Variants in HHAT observed in about 807,000 individuals in gnomAD.
HHAT encodes the protein protein-cysteine N-palmitoyltransferase HHAT.
In HHAT, 47 loss-of-function variants were observed where a neutral mutation model predicts 70.8. The ratio of observed to expected loss-of-function variants is 0.66; its 90% CI spans 0.53 to 0.85. The LOEUF (loss-of-function observed/expected upper bound fraction) is 0.85, where lower values mean the gene tolerates loss of function less well. Among genes scored for constraint, HHAT ranks in the 40% least tolerant of loss-of-function variants. HHAT has a pLI of 0.00. For missense variants in HHAT, 609 were observed against 604.8 expected (o/e 1.01, Z -0.07); for synonymous variants, 228 against 247.6 (o/e 0.92, Z 0.74).
At chr1:210,424,218 T>C (rs975844970) in intron 7 of HHAT, among the ~76,000 whole-genome samples, 1 of 152,206 alleles carries the variant, frequency 6.6e-6, no homozygotes, top group African/African-American at 2.4e-5. Flanking sequence ...TCGTATTTCT[T>C]TCGTCAGCGT....
In HHAT at chr1:210,651,613, TGA is replaced by T. The variant is rs151316762; in HGVS notation, c.1391-22671_1391-22670del. 1.1e-4 allele frequency among the ~76,000 whole-genome samples: 16 copies of T among 152,290 alleles called. No homozygotes were observed. In the East Asian group the frequency reaches 2.9e-3, roughly 28 times the overall value. On this transcript the variant is annotated intron_variant, in intron 11 of 11. Transcript: ENST00000261458. ...CAAGGGAGGTGAGTGCTGTTGAGGT[TGA>T]GAGTGTCGGTAGAAGCTGGAGGCTG...
intron 9 of HHAT, among the ~76,000 whole-genome samples, chr1:210,569,399 A>AAAAAAAAAAAAAAAAAAC (rs1558182185): frequency 4.0e-5 from 6 of 148,368 alleles, no homozygotes; most frequent in Non-Finnish European, 7.4e-5. Context: ...AAAAAAAAAA[A>AAAAAAAAAAAAAAAAAAC]GCGTATAGCA....
chr1:210,616,201 C>G (rs1359931965), intron 10 of HHAT, among the ~76,000 whole-genome samples: 1 of 151,594 alleles, frequency 6.6e-6, no homozygotes, highest in Non-Finnish European at 1.5e-5. Flanking sequence ...CACTTAAAAT[C>G]TACTCTCTTA....
intron 11 of HHAT, among the ~76,000 whole-genome samples, chr1:210,629,720 CCT>C (rs1269106170): frequency 1.3e-5 from 2 of 152,184 alleles, no homozygotes; most frequent in African/African-American, 4.8e-5. Context: ...TTCCTTCCTT[CCT>C]CTGTTTTCAA....
intron 11 of HHAT, chr1:210,630,939 G>T: frequency 4.9e-6 from 2 of 410,250 alleles, no homozygotes; most frequent in South Asian, 3.6e-5. Flanking sequence ...ATATAATTTT[G>T]AGCCCCTAGA....
In HHAT at chr1:210,612,259, C is replaced by T. The variant is rs1666748187; in HGVS notation, c.1246-11267C>T. 2.6e-5 allele frequency among the ~76,000 whole-genome samples: 4 copies of T among 152,148 alleles called. No homozygotes were observed. In the South Asian group the frequency reaches 8.3e-4, roughly 32 times the overall value. ...CATTCGTATTGTTTTACAACCATCA[C>T]CACCCTCAATCTCCAGAACTTTTTC... On this transcript the variant is annotated intron_variant, in intron 10 of 11. Coordinates refer to ENST00000261458, the MANE Select transcript of HHAT (RefSeq NM_018194.6).
chr1:210,501,297 T>C (rs952239322), intron 8 of HHAT, among the ~76,000 whole-genome samples: 3 of 152,272 alleles, frequency 2.0e-5, no homozygotes, highest in African/African-American at 7.2e-5. Flanking sequence ...CCTTTGCAGA[T>C]GCTTGAAATC....
At chr1:210,475,378 C>A (rs1480711940) in intron 8 of HHAT, among the ~76,000 whole-genome samples, 1 of 152,210 alleles carries the variant, frequency 6.6e-6, no homozygotes, top group Non-Finnish European at 1.5e-5. Flanking sequence ...AAGCCTCCTC[C>A]TTCACTCTGC....
intron 10 of HHAT, among the ~76,000 whole-genome samples, chr1:210,613,222 A>C (rs550093709): frequency 6.6e-6 from 1 of 152,252 alleles, no homozygotes; most frequent in South Asian, 2.1e-4. Flanking sequence ...GTTTTCTTTT[A>C]AGAGTTTTAT....
intron 9 of HHAT, among the ~76,000 whole-genome samples, chr1:210,563,574 A>T: frequency 6.6e-6 from 1 of 152,184 alleles, no homozygotes; most frequent in Non-Finnish European, 1.5e-5. Context: ...GAGGCTGATC[A>T]TGGGAGAGCA....
At chr1:210,606,484 T>C (rs184554725) in intron 10 of HHAT, among the ~76,000 whole-genome samples, 1 of 152,136 alleles carries the variant, frequency 6.6e-6, no homozygotes, top group African/African-American at 2.4e-5. Flanking sequence ...TGGTCAGAGG[T>C]ATCTGCTCAT....
intron 7 of HHAT, among the ~76,000 whole-genome samples, chr1:210,433,729 TA>T (rs1334087134): frequency 6.6e-6 from 1 of 151,984 alleles, no homozygotes; most frequent in African/African-American, 2.4e-5. Context: ...TCTTCCCATT[TA>T]TTTTTCTCTC....
intron 9 of HHAT, among the ~76,000 whole-genome samples, chr1:210,553,020 C>T (rs991093034): frequency 6.6e-6 from 1 of 152,156 alleles, no homozygotes; most frequent in Admixed American, 6.5e-5. Flanking sequence ...TCTTTATTCC[C>T]CCATTCAGGT....
At chr1:210,631,748 T>C (rs1027654833) in intron 11 of HHAT, among the ~76,000 whole-genome samples, 18 of 152,222 alleles carry the variant, frequency 1.2e-4, no homozygotes, top group Admixed American at 1.0e-3. Context: ...CTGTGGTTCT[T>C]GTCTTTGCAG....
At position 210,569,051 on chromosome 1, in the gene HHAT, G is replaced by C. The variant is rs558582272; in HGVS notation, c.1044-18847G>C. Among the ~76,000 whole-genome samples the C allele has an allele frequency of 3.9e-5, 6 of 152,172 alleles. No individual in the cohort carries two copies. The South Asian group carries it at 1.2e-3, about 32-fold the overall frequency. Reference sequence around the variant, plus strand: ...TTGCTTGCTTGCTTGGTATGTGGGAGAAACCCCCCACACATGAGGTGTCAG... The same window carrying C: ...TTGCTTGCTTGCTTGGTATGTGGGACAAACCCCCCACACATGAGGTGTCAG... On this transcript the variant is annotated intron_variant, in intron 9 of 11. Transcript: ENST00000261458.
chr1:210,501,247 T>G (rs1403152791), intron 8 of HHAT, among the ~76,000 whole-genome samples: 1 of 152,242 alleles, frequency 6.6e-6, no homozygotes, highest in Non-Finnish European at 1.5e-5. Context: ...TCTTTGCCAT[T>G]CTTATTTTGG....
Position 210,426,125 on chromosome 1 carries a change from G to A in HHAT, c.856+7800G>A, listed in dbSNP as rs543329272. 2.6e-5 allele frequency among the ~76,000 whole-genome samples: 4 copies of A among 152,118 alleles called. No homozygotes were observed. In the South Asian group the frequency reaches 8.3e-4, roughly 32 times the overall value. On this transcript the variant is annotated intron_variant, in intron 7 of 11. Transcript: ENST00000261458. ...TGGCAGTTGTGAATGGTAATTTGTT[G>A]CTGATTTGGCTCTCAGCTTGACTGC...
intron 10 of HHAT, among the ~76,000 whole-genome samples, chr1:210,598,953 T>C (rs1252487218): frequency 2.0e-5 from 3 of 152,188 alleles, no homozygotes; most frequent in Non-Finnish European, 4.4e-5. Flanking sequence ...CAAGGCCTTA[T>C]TTGGGGATCA....
intron 9 of HHAT, among the ~76,000 whole-genome samples, chr1:210,553,416 C>T (rs1183826431): frequency 2.6e-5 from 4 of 152,218 alleles, no homozygotes; most frequent in Non-Finnish European, 5.9e-5. Flanking sequence ...CATTCTTCTG[C>T]TGAGGCCCTT....
Sources: gnomAD v4.1 joint callset for allele counts (sites outside exome capture counted in the v4.1 genomes callset) on GRCh38, gnomAD v4.1.1 for gene constraint, MANE v1.5 for transcripts, NCBI Gene and HGNC (gene_info 2026-07-23, HGNC 2026-07-21) for gene names.